Variants in LRRC7 observed in about 807,000 individuals in gnomAD.
The protein encoded by LRRC7 is leucine-rich repeat-containing protein 7.
In LRRC7, 23 loss-of-function variants were observed where a neutral mutation model predicts 175.7. The observed-to-expected ratio is 0.13, with a 90% CI of 0.09 to 0.19. LRRC7 has a LOEUF of 0.19. Ranked by LOEUF, LRRC7 falls within the 10% of genes least tolerant of loss-of-function variation. The pLI is 1.00. For missense variants in LRRC7, 1,354 were observed against 1,904.7 expected (o/e 0.71, Z 5.38); for synonymous variants, 685 against 680.9 (o/e 1.01, Z -0.09).
At chr1:69,832,705 G>A (rs1204437852) in intron 5 of LRRC7, among the ~76,000 whole-genome samples, 1 of 152,106 alleles carries the variant, frequency 6.6e-6, no homozygotes, top group Non-Finnish European at 1.5e-5. Context: ...TATGACCAAT[G>A]ATGTCACTTC....
intron 2 of LRRC7, among the ~76,000 whole-genome samples, chr1:69,723,802 T>C (rs914896595): frequency 2.0e-5 from 3 of 152,156 alleles, no homozygotes; most frequent in Non-Finnish European, 4.4e-5. Flanking sequence ...GTGCTCTCAC[T>C]GTAACCTCAC....
intron 2 of LRRC7, among the ~76,000 whole-genome samples, chr1:69,710,453 G>A (rs1369540702): frequency 6.6e-6 from 1 of 152,000 alleles, no homozygotes; most frequent in South Asian, 2.1e-4. Flanking sequence ...ATTCCTCCCT[G>A]TAGGGTTTAC....
intron 24 of LRRC7, among the ~76,000 whole-genome samples, chr1:70,084,354 A>G: frequency 6.6e-6 from 1 of 152,124 alleles, no homozygotes; most frequent in East Asian, 1.9e-4. Context: ...CCACTCATCT[A>G]CTTTCTGTCT....
At chr1:69,873,405 A>G (rs1685747772) in intron 7 of LRRC7, 1 of 533,090 alleles carries the variant, frequency 1.9e-6, no homozygotes, top group Non-Finnish European at 3.8e-6. Context: ...TAATTATTTT[A>G]GTCACCTTCT....
chr1:69,640,466 A>G (rs1160523360), intron 1 of LRRC7, among the ~76,000 whole-genome samples: 1 of 151,610 alleles, frequency 6.6e-6, no homozygotes, highest in East Asian at 1.9e-4. Flanking sequence ...TAACTCAGGA[A>G]CAAAGTCACT....
intron 2 of LRRC7, among the ~76,000 whole-genome samples, chr1:69,758,600 T>A (rs1385174810): frequency 1.3e-5 from 2 of 152,128 alleles, no homozygotes; most frequent in South Asian, 4.1e-4. Context: ...GATTATTTCA[T>A]CACCCAGATA....
intron 26 of LRRC7, among the ~76,000 whole-genome samples, chr1:70,116,579 AT>A (rs1665877635): frequency 6.7e-6 from 1 of 149,892 alleles, no homozygotes; most frequent in Non-Finnish European, 1.5e-5. Flanking sequence ...AGAAATTCTT[AT>A]TTATGTTTTG....
At chr1:69,616,753 A>G (rs1649683216) in intron 1 of LRRC7, among the ~76,000 whole-genome samples, 1 of 152,088 alleles carries the variant, frequency 6.6e-6, no homozygotes, top group African/African-American at 2.4e-5. Flanking sequence ...AGGCCTCTAG[A>G]GAAATGAAGT....
At chr1:69,751,495 A>T (rs2100898653) in intron 2 of LRRC7, among the ~76,000 whole-genome samples, 1 of 152,306 alleles carries the variant, frequency 6.6e-6, no homozygotes, top group Middle Eastern at 3.4e-3. Flanking sequence ...GAAAAGCAAA[A>T]GAGGACTGCA....
At chr1:69,875,904 C>T (rs907324291) in intron 7 of LRRC7, among the ~76,000 whole-genome samples, 3 of 152,016 alleles carry the variant, frequency 2.0e-5, no homozygotes, top group Non-Finnish European at 4.4e-5. Flanking sequence ...AAAACGACCC[C>T]TTAAGAAGAA....
chr1:69,612,974 G>T (rs1223123822), intron 1 of LRRC7, among the ~76,000 whole-genome samples: 1 of 152,000 alleles, frequency 6.6e-6, no homozygotes, highest in South Asian at 2.1e-4. Context: ...GGTTCTCTAT[G>T]TGCCATATTT....
chr1:69,634,629 A>G (rs905339510), intron 1 of LRRC7, among the ~76,000 whole-genome samples: 5 of 152,158 alleles, frequency 3.3e-5, no homozygotes, highest in African/African-American at 1.2e-4. Flanking sequence ...GAATTCCATT[A>G]GATTTCTGTT....
chr1:69,662,742 A>G (rs1264329574), intron 1 of LRRC7, among the ~76,000 whole-genome samples: 2 of 152,218 alleles, frequency 1.3e-5, no homozygotes, highest in Admixed American at 1.3e-4. Flanking sequence ...TTGCAGTTCA[A>G]ATTGGATCTT....
At chr1:69,854,935 A>G (rs1354853439) in intron 7 of LRRC7, among the ~76,000 whole-genome samples, 4 of 152,168 alleles carry the variant, frequency 2.6e-5, no homozygotes, top group African/African-American at 4.8e-5. Context: ...TGCAGCAAAC[A>G]TGATTCCAAA....
intron 9 of LRRC7, among the ~76,000 whole-genome samples, chr1:69,983,880 G>A (rs1653678539): frequency 6.6e-6 from 1 of 151,984 alleles, no homozygotes; most frequent in African/African-American, 2.4e-5. Context: ...TATTTAATAT[G>A]TGTTAAAATG....
chr1:70,046,380 C>A (rs559746639), intron 22 of LRRC7, among the ~76,000 whole-genome samples: 1 of 151,982 alleles, frequency 6.6e-6, no homozygotes, highest in Admixed American at 6.6e-5. Flanking sequence ...TTTCAATAGT[C>A]CTCAGTTGAG....
At chr1:69,857,819 A>C (rs1436241257) in intron 7 of LRRC7, among the ~76,000 whole-genome samples, 7 of 152,318 alleles carry the variant, frequency 4.6e-5, no homozygotes, top group South Asian at 4.1e-4. Context: ...CCTAAGCCGA[A>C]AGAACAAAGC....
In LRRC7 at chr1:70,125,812, AGAG is replaced by A. The variant is rs1229546346; in HGVS notation, c.*3926_*3928del. On this transcript the variant is annotated 3_prime_UTR_variant, in exon 27 of 27. Coordinates refer to ENST00000651989, the MANE Select transcript of LRRC7 (RefSeq NM_001370785.2). ...GTCTCAAAAAAAAAAAAAAAAAAAA[AGAG>A]AAGATTCAGAGGGGAGAAAACATGG... Among the ~76,000 whole-genome samples, 2 of 136,802 alleles carry A rather than the reference AGAG, an allele frequency of 1.5e-5. No individual in the cohort carries two copies. The highest frequency in any genetic ancestry group is 3.1e-5 in the Non-Finnish European group (2 of 63,646). 89.7% of individuals were successfully genotyped at this position (136,802 alleles called of 152,430 possible). A position where few individuals can be genotyped will look rare whatever the true frequency, so the allele number is the denominator to read the frequency against.
intron 7 of LRRC7, among the ~76,000 whole-genome samples, chr1:69,875,497 A>G (rs1685959963): frequency 6.6e-6 from 1 of 152,080 alleles, no homozygotes; most frequent in Non-Finnish European, 1.5e-5. Flanking sequence ...GGTTAAAATA[A>G]ATACAATTGA....
Sources: gnomAD v4.1 joint callset for allele counts (sites outside exome capture counted in the v4.1 genomes callset) on GRCh38, gnomAD v4.1.1 for gene constraint, MANE v1.5 for transcripts, NCBI Gene and HGNC (gene_info 2026-07-23, HGNC 2026-07-21) for gene names.